CENPU: variants seen among roughly 807,000 people sequenced by gnomAD.
CENPU encodes centromere protein U, also known as KSHV latent nuclear antigen interacting protein 1.
In CENPU, 46 loss-of-function variants were observed where a neutral mutation model predicts 56.7. The ratio of observed to expected loss-of-function variants is 0.81; its 90% confidence interval spans 0.64 to 1.04. The LOEUF (loss-of-function observed/expected upper bound fraction) is 1.04, where lower values mean the gene tolerates loss of function less well. Ranked by LOEUF, CENPU falls within the 50% of genes least tolerant of loss-of-function variation. The pLI is 0.00. For missense variants in CENPU, 510 were observed against 490.1 expected (o/e 1.04, Z -0.38); for synonymous variants, 166 against 163.0 (o/e 1.02, Z -0.14).
Position 184,694,105 on chromosome 4 carries a change from C to CT in CENPU, c.*1182dup. 1 of 467,878 alleles carries CT rather than the reference C, an allele frequency of 2.1e-6. No homozygotes were observed. The highest frequency in any genetic ancestry group is 2.1e-5 in the African/African-American group (1 of 47,182). 29.0% of individuals were successfully genotyped at this position (467,878 alleles called of 1,614,324 possible). A position where few individuals can be genotyped will look rare whatever the true frequency, so the allele number is the denominator to read the frequency against. ...TCATATTTTGGCAACTGTTTTTAAT[C>CT]TTTTTTCAATCCATGTTTACGATTT... On this transcript the variant is annotated 3_prime_UTR_variant, in exon 13 of 13. Coordinates refer to ENST00000281453, the MANE Select transcript of CENPU (RefSeq NM_024629.4).
In CENPU at chr4:184,694,646, TTGA is replaced by T; in HGVS notation, c.*639_*641del. Reference sequence around the variant, plus strand: ...GCTGATGCTGTCTGGGATAATGGCATTGATGATGCTTATTTTTTAGAAGCTACT... The same window carrying T: ...GCTGATGCTGTCTGGGATAATGGCATTGATGCTTATTTTTTAGAAGCTACT... On this transcript the variant is annotated 3_prime_UTR_variant, in exon 13 of 13. Transcript: ENST00000281453. The T allele has an allele frequency of 6.2e-7, 1 of 1,614,164 alleles. No individual in the cohort carries two copies. The highest frequency in any genetic ancestry group is 1.1e-5 in the South Asian group (1 of 91,084).
chr4:184,712,671 T>C (rs1455499334), intron 7 of CENPU, among the ~76,000 whole-genome samples: 1 of 152,194 alleles, frequency 6.6e-6, no homozygotes, highest in Admixed American at 6.5e-5. Flanking sequence ...TTACTACCTA[T>C]CTAATAAAGT....
Position 184,702,407 on chromosome 4 carries a change from T to C in CENPU, c.832A>G (p.Ile278Val). The change falls in exon 9 of 13, where the codon ATC becomes GTC. Residue 278 changes from isoleucine (I) to valine (V), a missense_variant. Coordinates refer to ENST00000281453, the MANE Select transcript of CENPU (RefSeq NM_024629.4). ...RIESKVCKAA[I>V]ATFYVNVKEQ... ...TTAACATTAACATAAAATGTGGCGA[T>C]GGCTGCCTTACAAACTTTAGATTCT... 6.2e-7 allele frequency: 1 copy of C among 1,612,436 alleles called. No individual in the cohort carries two copies. The highest frequency in any genetic ancestry group is 1.3e-5 in the African/African-American group (1 of 74,912).
intron 4 of CENPU, among the ~76,000 whole-genome samples, chr4:184,720,364 T>C (rs1385436395): frequency 6.6e-6 from 1 of 151,796 alleles, no homozygotes; most frequent in African/African-American, 2.4e-5. Context: ...GAAAAAACAA[T>C]CGTGAAGCAT....
rs189138281 is a variant in CENPU at position 184,722,270 on chromosome 4, C to A, written c.320+2687G>T. Among the ~76,000 whole-genome samples, 10 of 152,070 alleles carry A rather than the reference C, an allele frequency of 6.6e-5. No individual in the cohort carries two copies. In the East Asian group the frequency reaches 1.7e-3, roughly 26 times the overall value. ...TAAGAGGGAAGTTTACAGCTATAAG[C>A]GCCTACATCAAAAAAAGAAAAACTT... On this transcript the variant is annotated intron_variant, in intron 4 of 12. Transcript: ENST00000281453.
chr4:184,733,809 C>A (rs1579806417), intron 1 of CENPU, among the ~76,000 whole-genome samples: 1 of 152,236 alleles, frequency 6.6e-6, no homozygotes, highest in Admixed American at 6.5e-5. Flanking sequence ...ACCCGCCAGG[C>A]AGTGTTAGGC....
At chr4:184,711,400 A>G (rs1265747285) in intron 7 of CENPU, among the ~76,000 whole-genome samples, 3 of 152,204 alleles carry the variant, frequency 2.0e-5, no homozygotes, top group African/African-American at 7.2e-5. Flanking sequence ...ATCACCTCAT[A>G]CATTTATCAT....
In CENPU at chr4:184,714,926, C is replaced by T. The variant is rs73874412; in HGVS notation, c.618+1471G>A. 4.5e-3 allele frequency among the ~76,000 whole-genome samples: 690 copies of T among 152,224 alleles called. 3 individuals carry two copies. The highest frequency in any genetic ancestry group is 0.016 in the African/African-American group (667 of 41,520). ...AAAACAGTAAGTAAGGAGACCAAAT[C>T]TCTGAACTACACTCTGAATCAACTT... is the stretch of plus-strand genomic sequence containing the variant. On this transcript the variant is annotated intron_variant, in intron 6 of 12. Coordinates refer to ENST00000281453, the MANE Select transcript of CENPU (RefSeq NM_024629.4).
At chr4:184,730,722 G>C (rs1348244847) in intron 2 of CENPU, among the ~76,000 whole-genome samples, 198 bp downstream of exon 2, 1 of 151,982 alleles carries the variant, frequency 6.6e-6, no homozygotes, top group Non-Finnish European at 1.5e-5. Flanking sequence ...ACTCGGCTCA[G>C]AAATAAAGGA....
chr4:184,715,376 G>A (rs1761054991), intron 6 of CENPU, among the ~76,000 whole-genome samples: 1 of 150,672 alleles, frequency 6.6e-6, no homozygotes, highest in Non-Finnish European at 1.5e-5. Flanking sequence ...CAGTGGCACG[G>A]TCTCAGCTGA....
intron 6 of CENPU, among the ~76,000 whole-genome samples, chr4:184,716,025 T>C (rs1468765025): frequency 6.6e-6 from 1 of 151,496 alleles, no homozygotes; most frequent in Non-Finnish European, 1.5e-5. Context: ...CTCTACCTCC[T>C]GGGCTCAAGC....
intron 8 of CENPU, among the ~76,000 whole-genome samples, chr4:184,704,102 A>G (rs1561130359): frequency 2.0e-5 from 3 of 150,606 alleles, no homozygotes; most frequent in South Asian, 2.1e-4. Flanking sequence ...TTTTTTTGAG[A>G]TAAGGTCTCA....
intron 10 of CENPU, among the ~76,000 whole-genome samples, 172 bp from the exon 11 acceptor site, chr4:184,701,053 A>C (rs1760518325): frequency 6.6e-6 from 1 of 152,206 alleles, no homozygotes; most frequent in Non-Finnish European, 1.5e-5. Flanking sequence ...ATGTATTTAC[A>C]GCTTGTGATA....
intron 8 of CENPU, among the ~76,000 whole-genome samples, chr4:184,708,689 T>C (rs562809371): frequency 6.6e-6 from 1 of 152,184 alleles, no homozygotes; most frequent in Non-Finnish European, 1.5e-5. Context: ...CCTAAAGTAT[T>C]ATATCCAGCT....
intron 1 of CENPU, 149 bp from the exon 2 acceptor site, chr4:184,731,117 T>C: frequency 1.6e-6 from 1 of 615,524 alleles, no homozygotes; most frequent in South Asian, 2.1e-5. Context: ...TCAAATCCTA[T>C]CACCAATGTA....
chr4:184,694,607 C>CA lies in CENPU; in HGVS notation c.*680dup. 1 of 1,614,164 alleles carries CA rather than the reference C, an allele frequency of 6.2e-7. No individual in the cohort carries two copies. Among genetic ancestry groups the CA allele is most frequent in the Non-Finnish European group, 8.5e-7 (1 of 1,180,002 alleles). On this transcript the variant is annotated 3_prime_UTR_variant, in exon 13 of 13. Transcript: ENST00000281453. The stretch of plus-strand genomic sequence containing the variant: ...CATAAACCATCACCTAGCAGGCTGT[C>CA]AACAGGTGCATCTGCTGATGCTGTC...
rs928319069 is a variant in CENPU, at chr4:184,702,352, C to T, written c.876+11G>A. On this transcript the variant is annotated intron_variant, in intron 9 of 12. Coordinates refer to ENST00000281453, the MANE Select transcript of CENPU (RefSeq NM_024629.4). ...AACCTTAGACCAACAAATGCATGTC[C>T]GTGAGCTTACCATTTTGATGAATTG... is the stretch of plus-strand genomic sequence containing the variant. 1.4e-5 allele frequency: 22 copies of T among 1,609,742 alleles called. No individual in the cohort carries two copies. The highest frequency in any genetic ancestry group is 2.2e-5 in the South Asian group (2 of 89,920).
chr4:184,702,403 G>A lies in CENPU; in HGVS notation c.836C>T (p.Ala279Val). 1.2e-6 allele frequency: 2 copies of A among 1,612,062 alleles called. No individual in the cohort carries two copies. Among genetic ancestry groups the A allele is most frequent in the Non-Finnish European group, 1.7e-6 (2 of 1,179,458 alleles). ...TTCTTTAACATTAACATAAAATGTG[G>A]CGATGGCTGCCTTACAAACTTTAGA... ...IESKVCKAAI[A>V]TFYVNVKEQF... The change falls in exon 9 of 13, where the codon GCC becomes GTC. Residue 279 changes from alanine to valine, a missense_variant. Transcript: ENST00000281453.
chr4:184,696,091 T>C (rs1235313581), intron 12 of CENPU, among the ~76,000 whole-genome samples: 1 of 152,244 alleles, frequency 6.6e-6, no homozygotes. Flanking sequence ...CAGAATTTTG[T>C]CATACTTTGA....
Sources: gnomAD v4.1 joint callset for allele counts (sites outside exome capture counted in the v4.1 genomes callset) on GRCh38, gnomAD v4.1.1 for gene constraint, MANE v1.5 for transcripts, NCBI Gene and HGNC (gene_info 2026-07-23, HGNC 2026-07-21) for gene names.